The following CHST11 variants were observed in gnomAD, a reference collection of about 807,000 sequenced individuals.
CHST11 encodes the protein carbohydrate sulfotransferase 11, also known as C4S-1.
In CHST11, 9 loss-of-function variants were observed where a neutral mutation model predicts 30.4. The ratio of observed to expected loss-of-function variants is 0.30; its 90% CI spans 0.18 to 0.52. The LOEUF (loss-of-function observed/expected upper bound fraction) is 0.52, where lower values mean the gene tolerates loss of function less well. CHST11 is among the 20% of genes least tolerant of loss of function. CHST11 has a pLI of 0.97. For missense variants in CHST11, 348 were observed against 460.6 expected, an observed-to-expected ratio of 0.76 and a Z score of 2.24; for synonymous variants, 152 against 187.8, an observed-to-expected ratio of 0.81 and a Z score of 1.56.
intron 1 of CHST11, among the ~76,000 whole-genome samples, chr12:104,544,030 G>A (rs778253354): frequency 2.8e-4 from 42 of 151,550 alleles, no homozygotes; most frequent in Non-Finnish European, 4.7e-4. Context: ...AGGCTGAGGC[G>A]GGAGGATGGC....
At chr12:104,574,918 G>A (rs1344720844) in intron 1 of CHST11, among the ~76,000 whole-genome samples, 4 of 151,862 alleles carry the variant, frequency 2.6e-5, no homozygotes, top group Admixed American at 1.3e-4. Flanking sequence ...GAGGCCGGGC[G>A]TGGTGACTCA....
chr12:104,560,455 G>A (rs1300271004), intron 1 of CHST11, among the ~76,000 whole-genome samples: 2 of 152,124 alleles, frequency 1.3e-5, no homozygotes, highest in African/African-American at 2.4e-5. Context: ...CTTTGATGGG[G>A]TGAATTTGAT....
At chr12:104,516,414 G>T (rs990864284) in intron 1 of CHST11, among the ~76,000 whole-genome samples, 1 of 152,188 alleles carries the variant, frequency 6.6e-6, no homozygotes, top group African/African-American at 2.4e-5. Context: ...CTACTAAAAT[G>T]GTCATCTTTG....
chr12:104,572,042 C>G (rs547559449), intron 1 of CHST11, among the ~76,000 whole-genome samples: 224 of 151,120 alleles, frequency 1.5e-3, no homozygotes, highest in African/African-American at 4.5e-3. Context: ...GTTGAACCAG[C>G]CTTGCATCCC....
chr12:104,484,807 G>T (rs994733829), intron 1 of CHST11, among the ~76,000 whole-genome samples: 2 of 152,232 alleles, frequency 1.3e-5, no homozygotes, highest in Admixed American at 1.3e-4. Context: ...TGGCAGGTGG[G>T]ATGGCGGTAG....
intron 2 of CHST11, among the ~76,000 whole-genome samples, chr12:104,745,904 T>C (rs749596136): frequency 7.2e-5 from 11 of 152,214 alleles, no homozygotes; most frequent in Non-Finnish European, 1.3e-4. Flanking sequence ...TTTGACTTCC[T>C]TTCTTCCTAC....
intron 2 of CHST11, among the ~76,000 whole-genome samples, chr12:104,629,312 A>C (rs561924991): frequency 6.6e-6 from 1 of 152,340 alleles, no homozygotes; most frequent in African/African-American, 2.4e-5. Context: ...ACCAGGCTAC[A>C]GTCTCATGTG....
At chr12:104,727,589 G>A (rs2040226104) in intron 2 of CHST11, among the ~76,000 whole-genome samples, 1 of 152,176 alleles carries the variant, frequency 6.6e-6, no homozygotes, top group Admixed American at 6.5e-5. Context: ...CCACCACCCA[G>A]CACATGGTAG....
At chr12:104,577,397 A>C (rs1175153793) in intron 1 of CHST11, among the ~76,000 whole-genome samples, 1 of 151,680 alleles carries the variant, frequency 6.6e-6, no homozygotes, top group Non-Finnish European at 1.5e-5. Context: ...TTTTTGGAAC[A>C]CTCCAGGAAA....
chr12:104,713,245 C>G (rs2040102298), intron 2 of CHST11, among the ~76,000 whole-genome samples: 1 of 152,020 alleles, frequency 6.6e-6, no homozygotes, highest in Admixed American at 6.6e-5. Flanking sequence ...AATAGGTATT[C>G]AAGGATGTGG....
chr12:104,524,994 G>T (rs1446791287), intron 1 of CHST11, among the ~76,000 whole-genome samples: 1 of 152,056 alleles, frequency 6.6e-6, no homozygotes, highest in African/African-American at 2.4e-5. Context: ...TAGTGTAAGT[G>T]CTTGTAGTTT....
At chr12:104,707,455 G>T (rs1354320500) in intron 2 of CHST11, among the ~76,000 whole-genome samples, 1 of 152,192 alleles carries the variant, frequency 6.6e-6, no homozygotes, top group Non-Finnish European at 1.5e-5. Context: ...GTTGTTTTAA[G>T]AAATATATAT....
intron 1 of CHST11, among the ~76,000 whole-genome samples, chr12:104,587,928 T>C (rs1420411559): frequency 6.6e-6 from 1 of 151,734 alleles, no homozygotes; most frequent in African/African-American, 2.4e-5. Flanking sequence ...GTATTATATA[T>C]AAACTTAGAT....
At chr12:104,682,068 C>G (rs1004472581) in intron 2 of CHST11, among the ~76,000 whole-genome samples, 1 of 152,076 alleles carries the variant, frequency 6.6e-6, no homozygotes, top group Admixed American at 6.5e-5. Context: ...CTCCTGACCT[C>G]GTGTTCCACC....
chr12:104,473,894 T>A (rs2037533469), intron 1 of CHST11, among the ~76,000 whole-genome samples: 1 of 152,008 alleles, frequency 6.6e-6, no homozygotes, highest in Admixed American at 6.6e-5. Context: ...CCCTTTATTT[T>A]CCGTTAAAAC....
intron 1 of CHST11, among the ~76,000 whole-genome samples, chr12:104,571,501 C>G (rs1286829101): frequency 5.9e-5 from 9 of 152,180 alleles, no homozygotes; most frequent in Admixed American, 5.9e-4. Flanking sequence ...CTGAACGCCT[C>G]CAGCGTCCCA....
intron 2 of CHST11, among the ~76,000 whole-genome samples, chr12:104,659,353 A>G (rs2039575629): frequency 6.6e-6 from 1 of 152,142 alleles, no homozygotes; most frequent in Non-Finnish European, 1.5e-5. Flanking sequence ...CTCAAGACAT[A>G]TGATCGTTGG....
intron 1 of CHST11, among the ~76,000 whole-genome samples, chr12:104,580,230 T>C (rs1237243973): frequency 2.0e-5 from 3 of 152,228 alleles, no homozygotes; most frequent in Non-Finnish European, 4.4e-5. Flanking sequence ...GATTTCAGGC[T>C]TGAGCTGGAG....
At chr12:104,576,801 TG>T (rs1592772541) in intron 1 of CHST11, among the ~76,000 whole-genome samples, 1 of 152,168 alleles carries the variant, frequency 6.6e-6, no homozygotes, top group East Asian at 1.9e-4. Context: ...ATCTGGATTT[TG>T]GGGGCCTAGG....
Sources: gnomAD v4.1 joint callset for allele counts (sites outside exome capture counted in the v4.1 genomes callset) on GRCh38, gnomAD v4.1.1 for gene constraint, MANE v1.5 for transcripts, NCBI Gene and HGNC (gene_info 2026-07-23, HGNC 2026-07-21) for gene names.